The following THNSL1 variants were observed in gnomAD, a reference collection of about 807,000 sequenced individuals.
The protein encoded by THNSL1 is threonine synthase-like 1.
A neutral mutation model predicts 50.4 loss-of-function variants in THNSL1; 48 were observed. That is an observed-to-expected ratio of 0.95 (90% CI 0.76 to 1.21). The LOEUF (loss-of-function observed/expected upper bound fraction) is 1.21. Ranked by LOEUF, THNSL1 falls within the 50% of genes most tolerant of loss-of-function variation. The pLI is 0.00. For synonymous variants in THNSL1, 309 were observed against 306.1 expected, an observed-to-expected ratio of 1.01 and a Z score of -0.10; for missense variants, 896 against 871.7, an observed-to-expected ratio of 1.03 and a Z score of -0.35.
the THNSL1 span, among the ~76,000 whole-genome samples, chr10:24,965,405 A>T: frequency 2.2e-3 from 337 of 152,268 alleles, 3 homozygotes; most frequent in Non-Finnish European, 2.8e-3. Context: ...TGACTTGCCC[A>T]GCCCTGATTC....
chr10:24,999,396 C>A, the THNSL1 span: 1 of 1,592,104 alleles, frequency 6.3e-7, no homozygotes, highest in South Asian at 1.2e-5. Context: ...CATGATAAAA[C>A]CTACTGGGTG....
chr10:25,020,901 TTTATG>T (rs752457985), intron 1 of THNSL1, among the ~76,000 whole-genome samples: 4 of 152,154 alleles, frequency 2.6e-5, no homozygotes, highest in Non-Finnish European at 4.4e-5. Flanking sequence ...ATCAGACTGT[TTTATG>T]TAAGTGCCCT....
the THNSL1 span, chr10:24,952,495 G>A: frequency 7.7e-6 from 12 of 1,565,202 alleles, no homozygotes; most frequent in African/African-American, 1.1e-4. The surrounding 1 kb of genome is among the most constrained non-coding windows in gnomAD (Gnocchi z 5.1). Flanking sequence ...GAGGGGAGCG[G>A]GCCGAGCCCC....
chr10:24,969,225 A>G, the THNSL1 span, among the ~76,000 whole-genome samples: 4 of 152,200 alleles, frequency 2.6e-5, no homozygotes, highest in South Asian at 4.1e-4. Flanking sequence ...AGCAAGATGA[A>G]TGTTTTCAGT....
At chr10:24,973,914 C>T in the THNSL1 span, among the ~76,000 whole-genome samples, 6 of 152,128 alleles carry the variant, frequency 3.9e-5, no homozygotes, top group East Asian at 3.9e-4. Context: ...CCACCACGCC[C>T]GGCTAATTTT....
chr10:25,025,828 T>C lies in THNSL1; in HGVS notation c.*373T>C, dbSNP rs565104070. ...AGGTACTACATCTGTAACTAGTGAA[T>C]ACTCTGTTGATTAGAAAGTTAATTT... is the stretch of plus-strand genomic sequence containing the variant. On this transcript the variant is annotated 3_prime_UTR_variant, in exon 3 of 3. Coordinates refer to ENST00000376356, the MANE Select transcript of THNSL1 (RefSeq NM_024838.5). 4.0e-4 allele frequency: 74 copies of C among 183,808 alleles called. No individual in the cohort carries two copies. Among genetic ancestry groups the C allele is most frequent in the African/African-American group, 1.6e-3 (67 of 42,128 alleles). The allele number at this position is 183,808 out of a possible 1,614,324, so 11.4% of individuals were successfully genotyped here.
upstream of THNSL1, among the ~76,000 whole-genome samples, chr10:25,012,430 A>T (rs1013354621): frequency 6.6e-6 from 1 of 152,172 alleles, no homozygotes; most frequent in Admixed American, 6.5e-5. Flanking sequence ...CTCAATGCCC[A>T]CCCATGAAAG....
At chr10:24,997,151 C>T in the THNSL1 span, among the ~76,000 whole-genome samples, 7 of 152,148 alleles carry the variant, frequency 4.6e-5, no homozygotes, top group African/African-American at 1.7e-4. Flanking sequence ...GAGTGTGAGG[C>T]TGCAGTGTGC....
In THNSL1 at chr10:25,023,363, A is replaced by G; in HGVS notation, c.140A>G (p.Tyr47Cys). 6.2e-7 allele frequency: 1 copy of G among 1,614,184 alleles called. No homozygotes were observed. The highest frequency in any genetic ancestry group is 8.5e-7 in the Non-Finnish European group (1 of 1,179,998). The change falls in exon 3 of 3, where the codon TAT becomes TGT. Residue 47 changes from tyrosine to cysteine, a missense_variant. Physicochemically the swap from Tyr to Cys is radical, Grantham distance 194. Coordinates refer to ENST00000376356, the MANE Select transcript of THNSL1 (RefSeq NM_024838.5). ...FALAELRKSW[Y>C]STHSLVGDKN... The stretch of plus-strand genomic sequence containing the variant: ...CTTGCGGAATTGAGGAAGTCATGGT[A>G]TTCAACCCACTCTCTTGTTGGAGAC...
the THNSL1 span, among the ~76,000 whole-genome samples, chr10:24,975,242 T>C: frequency 6.6e-6 from 1 of 152,142 alleles, no homozygotes; most frequent in Non-Finnish European, 1.5e-5. Flanking sequence ...AGGGTGGGAA[T>C]TGCACAAGAT....
At chr10:24,995,960 T>C in the THNSL1 span, 1 of 1,033,916 alleles carries the variant, frequency 9.7e-7, no homozygotes, top group Non-Finnish European at 1.4e-6. Flanking sequence ...ACCACTTGTA[T>C]ATTGAAGTTG....
chr10:24,964,338 T>C, the THNSL1 span, among the ~76,000 whole-genome samples: 1 of 152,156 alleles, frequency 6.6e-6, no homozygotes, highest in African/African-American at 2.4e-5. Flanking sequence ...CCGTAGACAG[T>C]AGGTCTGTAG....
At chr10:24,956,288 C>T in the THNSL1 span, among the ~76,000 whole-genome samples, 1 of 152,036 alleles carries the variant, frequency 6.6e-6, no homozygotes, top group East Asian at 1.9e-4. Context: ...TTACCCTCCT[C>T]CCGCCCTCCA....
the THNSL1 span, chr10:24,984,290 C>A: frequency 6.9e-7 from 1 of 1,453,316 alleles, no homozygotes; most frequent in Non-Finnish European, 9.4e-7. Flanking sequence ...GTGTTGGAGA[C>A]AGTTTAGAGT....
chr10:24,960,111 G>C, the THNSL1 span, among the ~76,000 whole-genome samples: 1 of 147,308 alleles, frequency 6.8e-6, no homozygotes, highest in Non-Finnish European at 1.5e-5. Context: ...TCAGCCTTCT[G>C]AATAGCAAGA....
chr10:24,994,336 CTTTT>C, the THNSL1 span, among the ~76,000 whole-genome samples: 1 of 137,710 alleles, frequency 7.3e-6, no homozygotes, highest in Non-Finnish European at 1.6e-5. Context: ...ATTCTGCACT[CTTTT>C]TTTTTTTTTT....
At chr10:24,998,981 T>C in the THNSL1 span, among the ~76,000 whole-genome samples, 1,221 of 152,302 alleles carry the variant, frequency 8.0e-3, 21 homozygotes, top group African/African-American at 0.027. Context: ...ATGAGCCCAG[T>C]AGTTGCTTCA....
the THNSL1 span, among the ~76,000 whole-genome samples, chr10:25,002,598 T>C: frequency 3.3e-5 from 5 of 152,216 alleles, no homozygotes; most frequent in Non-Finnish European, 5.9e-5. Flanking sequence ...ATTTTTTTTC[T>C]GGTGTTCTAG....
chr10:25,009,264 A>G, the THNSL1 span, among the ~76,000 whole-genome samples: 5 of 152,040 alleles, frequency 3.3e-5, no homozygotes, highest in African/African-American at 1.2e-4. Context: ...ATAAAAAAAA[A>G]AGTATGCATG....
Sources: allele counts gnomAD v4.1 joint callset (sites outside exome capture counted in the v4.1 genomes callset), GRCh38; gene constraint gnomAD v4.1.1; non-coding constraint Gnocchi (gnomAD v3.1); transcripts MANE v1.5; gene names NCBI Gene and HGNC (gene_info 2026-07-23, HGNC 2026-07-21).